The following EDIL3 variants were observed in gnomAD, a reference collection of about 807,000 sequenced individuals.
The protein encoded by EDIL3 is EGF like and discoidin domains 3.
In EDIL3, 37 loss-of-function variants were observed where a neutral mutation model predicts 67.4. The observed-to-expected ratio is 0.55, with a 90% CI of 0.42 to 0.72. The LOEUF (loss-of-function observed/expected upper bound fraction) is 0.72, where lower values mean the gene tolerates loss of function less well. EDIL3 is among the 30% of genes least tolerant of loss of function. The pLI, the probability that EDIL3 is intolerant of heterozygous loss-of-function variation, is 0.00. For synonymous variants in EDIL3, 195 were observed against 196.3 expected (o/e 0.99, Z 0.05); for missense variants, 527 against 586.3 (o/e 0.90, Z 1.04).
At chr5:84,272,402 C>A (rs1421723509) in intron 1 of EDIL3, among the ~76,000 whole-genome samples, 1 of 151,922 alleles carries the variant, frequency 6.6e-6, no homozygotes, top group Non-Finnish European at 1.5e-5. Context: ...ACGCTAAAGT[C>A]CTTTTTCAAG....
chr5:84,082,806 CTTA>C (rs1417671148), intron 6 of EDIL3, among the ~76,000 whole-genome samples: 1 of 142,106 alleles, frequency 7.0e-6, no homozygotes, highest in Non-Finnish European at 1.5e-5. Flanking sequence ...AGTTGTTTCT[CTTA>C]TTGAGTTGTT....
chr5:84,346,139 T>TTTC (rs1747235316), intron 1 of EDIL3, among the ~76,000 whole-genome samples: 1 of 147,212 alleles, frequency 6.8e-6, no homozygotes, highest in African/African-American at 2.5e-5. Flanking sequence ...TTTTTTCTTT[T>TTTC]TTTTTTTTTT....
At chr5:84,238,402 A>G (rs563754941) in intron 2 of EDIL3, among the ~76,000 whole-genome samples, 87 of 150,862 alleles carry the variant, frequency 5.8e-4, no homozygotes, top group African/African-American at 2.0e-3. Flanking sequence ...AAGGGGGAAG[A>G]AAAAAAAACA....
intron 1 of EDIL3, among the ~76,000 whole-genome samples, chr5:84,265,223 T>C (rs1229138960): frequency 6.6e-6 from 1 of 152,236 alleles, no homozygotes; most frequent in Non-Finnish European, 1.5e-5. Flanking sequence ...ATGTCTTAGT[T>C]TCAAGTTACA....
At chr5:83,961,249 A>C (rs1744602389) in intron 10 of EDIL3, among the ~76,000 whole-genome samples, 1 of 151,122 alleles carries the variant, frequency 6.6e-6, no homozygotes, top group Non-Finnish European at 1.5e-5. Context: ...TAATGGCAAG[A>C]AGAGACAAAT....
chr5:84,326,938 T>C (rs1234044894), intron 1 of EDIL3, among the ~76,000 whole-genome samples: 2 of 151,952 alleles, frequency 1.3e-5, no homozygotes, highest in African/African-American at 4.8e-5. Flanking sequence ...TTTTTAGATG[T>C]ACCCTCCTCT....
intron 6 of EDIL3, among the ~76,000 whole-genome samples, chr5:84,071,086 G>GT (rs1157074880): frequency 6.6e-6 from 1 of 152,140 alleles, no homozygotes; most frequent in East Asian, 1.9e-4. Context: ...CCTGAGTGTT[G>GT]TACCCTCTGC....
intron 5 of EDIL3, among the ~76,000 whole-genome samples, chr5:84,108,453 C>T (rs1747502435): frequency 1.3e-5 from 2 of 152,040 alleles, no homozygotes; most frequent in South Asian, 4.1e-4. Flanking sequence ...GACTGCTTAG[C>T]ACTTTATGAA....
intron 1 of EDIL3, among the ~76,000 whole-genome samples, chr5:84,317,516 C>G (rs1746540516): frequency 6.6e-6 from 1 of 152,132 alleles, no homozygotes; most frequent in African/African-American, 2.4e-5. Context: ...AATTCCTCGA[C>G]ACATACACCC....
intron 2 of EDIL3, among the ~76,000 whole-genome samples, chr5:84,252,501 A>AAAAAAAAAAAAAAAAAAAAC (rs1745043823): frequency 7.0e-6 from 1 of 143,434 alleles, no homozygotes; most frequent in Non-Finnish European, 1.5e-5. Context: ...CTCAAAAAAA[A>AAAAAAAAAAAAAAAAAAAAC]AAAAAAAAAA....
chr5:84,072,182 A>C (rs1353860644), intron 6 of EDIL3, among the ~76,000 whole-genome samples: 1 of 152,160 alleles, frequency 6.6e-6, no homozygotes, highest in Non-Finnish European at 1.5e-5. Flanking sequence ...AAGCAAAATA[A>C]ATACAAATGA....
chr5:84,281,643 T>G (rs1745705340), intron 1 of EDIL3, among the ~76,000 whole-genome samples: 1 of 152,194 alleles, frequency 6.6e-6, no homozygotes, highest in South Asian at 2.1e-4. Context: ...TACTCTTGAC[T>G]CCAGCTTGTT....
intron 1 of EDIL3, among the ~76,000 whole-genome samples, chr5:84,326,774 C>T (rs1303291602): frequency 6.6e-6 from 1 of 151,850 alleles, no homozygotes; most frequent in Admixed American, 6.6e-5. Flanking sequence ...ATTTCAGCTA[C>T]TTTTATCTTT....
At chr5:84,097,843 C>A (rs1267594127) in intron 6 of EDIL3, among the ~76,000 whole-genome samples, 1 of 151,908 alleles carries the variant, frequency 6.6e-6, no homozygotes, top group East Asian at 1.9e-4. Context: ...ATTGACACTG[C>A]ATATCTTGAA....
chr5:84,181,892 C>T (rs970496503), intron 3 of EDIL3, among the ~76,000 whole-genome samples: 1 of 152,042 alleles, frequency 6.6e-6, no homozygotes, highest in African/African-American at 2.4e-5. Context: ...TTAAGATGTA[C>T]ATATTAGAAA....
chr5:84,099,601 A>G (rs1414622060), intron 6 of EDIL3, among the ~76,000 whole-genome samples: 2 of 61,486 alleles, frequency 3.3e-5, no homozygotes, highest in African/African-American at 8.2e-5. Flanking sequence ...AGACTTAAAC[A>G]TAAGACCTTA....
At chr5:84,182,091 G>C (rs1247727417) in intron 3 of EDIL3, among the ~76,000 whole-genome samples, 1 of 151,962 alleles carries the variant, frequency 6.6e-6, no homozygotes, top group Admixed American at 6.6e-5. Context: ...TGAACAGAGA[G>C]TGCTATAGAG....
chr5:84,086,920 A>G (rs1268827326), intron 6 of EDIL3, among the ~76,000 whole-genome samples: 1 of 152,086 alleles, frequency 6.6e-6, no homozygotes, highest in Non-Finnish European at 1.5e-5. Flanking sequence ...TCCTGGAAGG[A>G]TGGAGGCAGG....
intron 1 of EDIL3, among the ~76,000 whole-genome samples, chr5:84,350,018 G>T (rs2112187732): frequency 6.6e-6 from 1 of 152,130 alleles, no homozygotes; most frequent in East Asian, 1.9e-4. Flanking sequence ...TTGCAGAGAG[G>T]CTAGGTAAGT....
Sources: gnomAD v4.1 joint callset for allele counts (sites outside exome capture counted in the v4.1 genomes callset) on GRCh38, gnomAD v4.1.1 for gene constraint, MANE v1.5 for transcripts, NCBI Gene and HGNC (gene_info 2026-07-23, HGNC 2026-07-21) for gene names.